NRXN3: variants seen among roughly 807,000 people sequenced by gnomAD.
NRXN3 encodes neurexin 3.
Under a neutral mutation model 137.6 loss-of-function variants are expected in NRXN3, and 32 were observed. The observed-to-expected ratio is 0.23, with a 90% confidence interval of 0.18 to 0.31. The LOEUF (loss-of-function observed/expected upper bound fraction) is 0.31. Among genes scored for constraint, NRXN3 ranks in the 10% least tolerant of loss-of-function variants. The pLI is 1.00. For missense variants in NRXN3, 1,574 were observed against 2,062.5 expected (o/e 0.76, Z 4.59); for synonymous variants, 798 against 784.5 (o/e 1.02, Z -0.29).
At chr14:78,628,511 A>G (rs959619186) in intron 4 of NRXN3, among the ~76,000 whole-genome samples, 1 of 152,212 alleles carries the variant, frequency 6.6e-6, no homozygotes, top group African/African-American at 2.4e-5. Context: ...AAGTGTTCTC[A>G]ATAAAGGTTT....
intron 10 of NRXN3, among the ~76,000 whole-genome samples, chr14:78,910,762 T>C (rs913497732): frequency 6.6e-6 from 1 of 152,170 alleles, no homozygotes; most frequent in African/African-American, 2.4e-5. Context: ...CAGAGCCTCC[T>C]TAGTCTCATT....
chr14:78,658,583 A>G (rs1024948184), intron 6 of NRXN3, among the ~76,000 whole-genome samples: 2 of 152,224 alleles, frequency 1.3e-5, no homozygotes, highest in African/African-American at 4.8e-5. Flanking sequence ...TACTGGGTTC[A>G]GTTCTAATGT....
chr14:78,376,548 A>G (rs1305343858), intron 4 of NRXN3, among the ~76,000 whole-genome samples: 2 of 152,232 alleles, frequency 1.3e-5, no homozygotes, highest in Admixed American at 6.5e-5. Context: ...GGGAAAAGGG[A>G]AACCAGTTAG....
chr14:79,801,637 C>T (rs1453744465), intron 19 of NRXN3, among the ~76,000 whole-genome samples: 1 of 152,192 alleles, frequency 6.6e-6, no homozygotes, highest in Non-Finnish European at 1.5e-5. Context: ...CAGGCCCATT[C>T]TTACGACACA....
intron 14 of NRXN3, among the ~76,000 whole-genome samples, chr14:78,972,472 T>C (rs376323546): frequency 6.6e-6 from 1 of 152,204 alleles, no homozygotes; most frequent in African/African-American, 2.4e-5. Context: ...GACTCTTTCA[T>C]GCTGAACTCC....
chr14:79,138,435 G>A (rs1307556071), intron 15 of NRXN3, among the ~76,000 whole-genome samples: 5 of 152,246 alleles, frequency 3.3e-5, no homozygotes, highest in African/African-American at 1.2e-4. Context: ...GATGAGAGGT[G>A]TTATTGCATA....
chr14:78,814,927 A>G (rs376600615), intron 10 of NRXN3, among the ~76,000 whole-genome samples: 34 of 152,340 alleles, frequency 2.2e-4, no homozygotes, highest in African/African-American at 7.9e-4. Context: ...AATTAAATAT[A>G]TGGATAGCTT....
chr14:79,214,242 G>A (rs1260691432), intron 15 of NRXN3, among the ~76,000 whole-genome samples: 1 of 152,210 alleles, frequency 6.6e-6, no homozygotes, highest in East Asian at 1.9e-4. Context: ...GTGGTCACCT[G>A]GAAGGTTTTC....
intron 15 of NRXN3, among the ~76,000 whole-genome samples, chr14:79,227,252 A>C (rs1422198952): frequency 6.6e-6 from 1 of 152,170 alleles, no homozygotes; most frequent in Non-Finnish European, 1.5e-5. Context: ...CAGACCACTG[A>C]TTCTGATGCT....
At chr14:78,864,050 G>A (rs1240517099) in intron 10 of NRXN3, among the ~76,000 whole-genome samples, 2 of 152,098 alleles carry the variant, frequency 1.3e-5, no homozygotes, top group Admixed American at 6.6e-5. Context: ...ACTTCTTACT[G>A]TACATCTCCA....
chr14:78,696,461 A>C (rs1167575443), intron 6 of NRXN3, among the ~76,000 whole-genome samples: 1 of 152,074 alleles, frequency 6.6e-6, no homozygotes, highest in African/African-American at 2.4e-5. Context: ...TTGTTATCCT[A>C]CTTCAAAGAT....
chr14:78,224,185 CTT>C (rs11415590), intron 1 of NRXN3, among the ~76,000 whole-genome samples: 32 of 147,372 alleles, frequency 2.2e-4, no homozygotes, highest in East Asian at 7.9e-4. Context: ...CTCAACAAGA[CTT>C]TTTTTTTTTT....
chr14:78,526,752 CTATT>C lies in NRXN3; in HGVS notation c.758-118364_758-118361del, dbSNP rs2096386370. On this transcript the variant is annotated intron_variant, in intron 4 of 20. Transcript: ENST00000335750. ...CCTAAGAGGTAGGTAGGGATGATGA[CTATT>C]TATAGACAGGAAAGCTGAGTTGGAC... 3 of 517,812 alleles carry C rather than the reference CTATT, an allele frequency of 5.8e-6. No individual in the cohort carries two copies. The Admixed American group carries it at 5.8e-5, about 10-fold the overall frequency. The allele number at this position is 517,812 out of a possible 1,614,324, so 32.1% of individuals were successfully genotyped here.
chr14:79,452,366 A>T (rs997283537), intron 15 of NRXN3, among the ~76,000 whole-genome samples: 2 of 152,208 alleles, frequency 1.3e-5, no homozygotes, highest in African/African-American at 4.8e-5. Flanking sequence ...CCATCATAAT[A>T]AATCTTCAAG....
intron 1 of NRXN3, among the ~76,000 whole-genome samples, chr14:78,213,454 G>A (rs960170038): frequency 1.3e-5 from 2 of 152,108 alleles, no homozygotes; most frequent in African/African-American, 4.8e-5. Flanking sequence ...CCAGTGAAAG[G>A]AGACAGCAAG....
At chr14:78,513,612 C>G (rs1157757166) in intron 4 of NRXN3, among the ~76,000 whole-genome samples, 2 of 152,046 alleles carry the variant, frequency 1.3e-5, no homozygotes, top group African/African-American at 4.8e-5. Context: ...TAAGTAAAAA[C>G]TGTGTTACTG....
chr14:78,703,198 C>T (rs760106895), intron 6 of NRXN3, among the ~76,000 whole-genome samples: 1 of 152,174 alleles, frequency 6.6e-6, no homozygotes, highest in Non-Finnish European at 1.5e-5. Flanking sequence ...TGTTCGAAAT[C>T]TATTGAAAAG....
rs566707470 is a variant in NRXN3, at chr14:79,663,627, G to A, written c.3445-151G>A. The stretch of plus-strand genomic sequence containing the variant: ...TTTTATGCTCAGGATGAAAGCTCAT[G>A]GAGAAATGTAGAATGCTATTATTAT... On this transcript the variant is annotated intron_variant, in intron 16 of 20. Transcript: ENST00000335750. 329 of 686,678 alleles carry A rather than the reference G, an allele frequency of 4.8e-4. 4 individuals are homozygous for A. In the African/African-American group the frequency reaches 5.4e-3, roughly 11 times the overall value. 42.5% of individuals were successfully genotyped at this position (686,678 alleles called of 1,614,324 possible).
chr14:78,976,501 A>G (rs1319548964), intron 14 of NRXN3, among the ~76,000 whole-genome samples: 1 of 152,184 alleles, frequency 6.6e-6, no homozygotes, highest in Non-Finnish European at 1.5e-5. Flanking sequence ...AAACACCTTT[A>G]GTTAGGTAAA....
Sources: gnomAD v4.1 joint callset for allele counts (sites outside exome capture counted in the v4.1 genomes callset) on GRCh38, gnomAD v4.1.1 for gene constraint, MANE v1.5 for transcripts, NCBI Gene and HGNC (gene_info 2026-07-23, HGNC 2026-07-21) for gene names.